Variants in CACNA1B observed in about 807,000 individuals in gnomAD.
The protein encoded by CACNA1B is calcium voltage-gated channel subunit alpha1 B.
CACNA1B carries 70 observed loss-of-function variants against 247.2 expected under a neutral mutation model. That is an observed-to-expected ratio of 0.28 (90% CI 0.23 to 0.35). CACNA1B has a LOEUF of 0.35. CACNA1B is among the 10% of genes least tolerant of loss of function. The pLI is 1.00. For synonymous variants in CACNA1B, 1,231 were observed against 1,294.4 expected, an observed-to-expected ratio of 0.95 and a Z score of 1.05; for missense variants, 2,367 against 3,197.4, an observed-to-expected ratio of 0.74 and a Z score of 6.26.
intron 16 of CACNA1B, among the ~76,000 whole-genome samples, chr9:138,008,261 A>T (rs1034487218): frequency 2.0e-5 from 3 of 152,158 alleles, no homozygotes; most frequent in Admixed American, 6.5e-5. Flanking sequence ...CTGCCTCAAG[A>T]CAGAGCAGTG....
intron 6 of CACNA1B, among the ~76,000 whole-genome samples, chr9:137,934,522 C>G (rs1957642840): frequency 6.6e-6 from 1 of 152,156 alleles, no homozygotes; most frequent in Admixed American, 6.5e-5. Flanking sequence ...AGAAATAAAT[C>G]AGGAAAGCCG....
intron 20 of CACNA1B, among the ~76,000 whole-genome samples, chr9:138,031,102 C>T (rs909805245): frequency 6.6e-6 from 1 of 151,686 alleles, no homozygotes; most frequent in African/African-American, 2.4e-5. Context: ...TTCTTTTGCT[C>T]TTCTTTTCTA....
rs1239095384 is a variant in CACNA1B, at chr9:138,014,787, C to T, written c.2267+1552C>T. 6.6e-6 allele frequency among the ~76,000 whole-genome samples: 1 copy of T among 151,878 alleles called. No homozygotes were observed. The highest frequency in any genetic ancestry group is 2.4e-5 in the African/African-American group (1 of 41,344). ...CCCCTGCTGCCTGCCGGCCCTGCCT[C>T]CTCCTGGGGGTATGGGAGGGTGTCC... On this transcript the variant is annotated intron_variant, in intron 18 of 46. Coordinates refer to ENST00000371372, the MANE Select transcript of CACNA1B (RefSeq NM_000718.4). This position sits in a 1 kb window ranked among gnomAD's most constrained non-coding sequence, Gnocchi z 6.2.
Position 137,976,226 on chromosome 9 carries a change from A to C in CACNA1B, c.1656+207A>C, listed in dbSNP as rs12683137. ...GACTGATGGGAGTGTCAGCCTCAGC[A>C]GCTCTCTGTCGGCGGGAGGTCACCC... On this transcript the variant is annotated intron_variant, in intron 12 of 46. Transcript: ENST00000371372. 0.37 allele frequency among the ~76,000 whole-genome samples: 56,356 copies of C among 152,218 alleles called. 14,692 individuals are homozygous for C. The highest frequency in any genetic ancestry group is 0.73 in the African/African-American group (30,141 of 41,520).
chr9:138,121,607 C>T lies in CACNA1B; in HGVS notation c.6628C>T (p.Pro2210Ser). 6.2e-7 allele frequency: 1 copy of T among 1,613,176 alleles called. No individual in the cohort carries two copies. The highest frequency in any genetic ancestry group is 8.5e-7 in the Non-Finnish European group (1 of 1,179,516). Residue 2210 changes from proline (P) to serine (S), a missense_variant, in exon 47 of 47, where the codon CCC (proline) becomes TCC (serine). Pro to Ser is a moderately conservative substitution (Grantham distance 74). This residue lies in a region of CACNA1B where 773 missense variants were observed against 779.4 expected (regional missense o/e 0.99). Coordinates refer to ENST00000371372, the MANE Select transcript of CACNA1B (RefSeq NM_000718.4). The surrounding 1 kb of genome is among the most constrained non-coding windows in gnomAD (Gnocchi z 6.8). ...CACCTACAAGACGGCCAACTCCTCA[C>T]CCATCCACTTCGCCGGGGCTCAGAC... Reference protein sequence around the residue: ...SITYKTANSSPIHFAGAQTSL... With the variant: ...SITYKTANSSSIHFAGAQTSL...
intron 12 of CACNA1B, among the ~76,000 whole-genome samples, chr9:137,979,636 G>C (rs1247514627): frequency 1.3e-5 from 2 of 152,152 alleles, no homozygotes; most frequent in Non-Finnish European, 1.5e-5. Flanking sequence ...CTGGCTCTCA[G>C]TAACTCATAT....
intron 36 of CACNA1B, among the ~76,000 whole-genome samples, chr9:138,094,618 A>T (rs1393186300): frequency 2.0e-5 from 3 of 152,302 alleles, no homozygotes; most frequent in South Asian, 4.1e-4. Flanking sequence ...ATGAATATTG[A>T]TCCAAAGATC....
intron 44 of CACNA1B, among the ~76,000 whole-genome samples, chr9:138,119,385 C>T (rs1961994972): frequency 6.6e-6 from 1 of 152,218 alleles, no homozygotes; most frequent in African/African-American, 2.4e-5. Flanking sequence ...AACACTGTGC[C>T]CCGGCCTCCG....
intron 6 of CACNA1B, among the ~76,000 whole-genome samples, chr9:137,921,437 T>A (rs1957476852): frequency 6.6e-6 from 1 of 151,498 alleles, no homozygotes; most frequent in South Asian, 2.1e-4. Context: ...CCGCACAGCA[T>A]CCTGGGAGCA....
intron 38 of CACNA1B, among the ~76,000 whole-genome samples, chr9:138,103,076 A>G (rs1961307840): frequency 6.6e-6 from 1 of 151,950 alleles, no homozygotes; most frequent in African/African-American, 2.4e-5. Context: ...CTGGAGGCTC[A>G]GGAAGACAGA....
At chr9:138,092,655 G>A (rs1960917259) in intron 36 of CACNA1B, among the ~76,000 whole-genome samples, 1 of 152,180 alleles carries the variant, frequency 6.6e-6, no homozygotes, top group Admixed American at 6.5e-5. Context: ...AGAGATTAAA[G>A]TAAAGACAGG....
intron 21 of CACNA1B, among the ~76,000 whole-genome samples, chr9:138,045,668 G>A (rs897175729): frequency 2.0e-5 from 3 of 152,310 alleles, no homozygotes; most frequent in Middle Eastern, 3.4e-3. Flanking sequence ...TAGGATCTGA[G>A]CTGGGGGCTA....
chr9:138,021,657 G>C (rs1958846907), intron 18 of CACNA1B, among the ~76,000 whole-genome samples: 1 of 152,126 alleles, frequency 6.6e-6, no homozygotes, highest in Non-Finnish European at 1.5e-5. Flanking sequence ...TTTCCTTTTT[G>C]CCCTTGCCTG....
intron 36 of CACNA1B, among the ~76,000 whole-genome samples, chr9:138,092,366 G>A (rs753272407): frequency 1.1e-4 from 17 of 152,128 alleles, no homozygotes; most frequent in Non-Finnish European, 1.8e-4. Flanking sequence ...CCTTTCCCAG[G>A]GTTATTCCTT....
At position 138,073,620 on chromosome 9, in the gene CACNA1B, G is replaced by A. The variant is rs992483888; in HGVS notation, c.4791+16G>A. ...GTCCTTCAAGGTGGGCCAGGCGGGG[G>A]GCCTCCATGCTTTCTGTCCCCTTCC... On this transcript the variant is annotated intron_variant, in intron 33 of 46. Transcript: ENST00000371372. The surrounding 1 kb of genome is among the most constrained non-coding windows in gnomAD (Gnocchi z 6.4). 12 of 1,402,466 alleles carry A rather than the reference G, an allele frequency of 8.6e-6. No individual in the cohort carries two copies. The highest frequency in any genetic ancestry group is 1.2e-5 in the South Asian group (1 of 86,952). The allele number at this position is 1,402,466 out of a possible 1,614,324, so 86.9% of individuals were successfully genotyped here. A position where few individuals can be genotyped will look rare whatever the true frequency, so the allele number is the denominator to read the frequency against.
intron 6 of CACNA1B, among the ~76,000 whole-genome samples, chr9:137,937,445 A>G (rs1957681019): frequency 6.6e-6 from 1 of 152,206 alleles, no homozygotes; most frequent in Non-Finnish European, 1.5e-5. Context: ...ATTATGTTAA[A>G]CGACCAAACC....
rs563236309 is a variant in CACNA1B, at chr9:138,053,781, C to T, written c.3808-65C>T. 14 of 1,314,444 alleles carry T rather than the reference C, an allele frequency of 1.1e-5. No homozygotes were observed. In the African/African-American group the frequency reaches 1.4e-4, roughly 14 times the overall value. The allele number at this position is 1,314,444 out of a possible 1,614,324, so 81.4% of individuals were successfully genotyped here. ...CCTCCCCGTGACCCTACCCTTCCCCCTCATGGCCCCACTCTCCCACCATGA... is the reference window on the plus strand; with the variant it reads ...CCTCCCCGTGACCCTACCCTTCCCCTTCATGGCCCCACTCTCCCACCATGA... On this transcript the variant is annotated intron_variant, in intron 25 of 46. Transcript: ENST00000371372.
intron 11 of CACNA1B, among the ~76,000 whole-genome samples, chr9:137,972,934 G>A (rs913820308): frequency 2.6e-5 from 4 of 152,152 alleles, no homozygotes; most frequent in East Asian, 3.9e-4. Context: ...GTGGTACCTC[G>A]GGACTTTGCT....
At position 137,914,785 on chromosome 9, in the gene CACNA1B, G is replaced by T. The variant is rs771131603; in HGVS notation, c.754G>T (p.Ala252Ser). 1.2e-6 allele frequency: 2 copies of T among 1,613,948 alleles called. No individual in the cohort carries two copies. The highest frequency in any genetic ancestry group is 1.7e-6 in the Non-Finnish European group (2 of 1,179,884). The change falls in exon 5 of 47, where the codon GCC becomes TCC. Residue 252 changes from alanine to serine, a missense_variant. Coordinates refer to ENST00000371372, the MANE Select transcript of CACNA1B (RefSeq NM_000718.4). This position sits in a 1 kb window ranked among gnomAD's most constrained non-coding sequence, Gnocchi z 4.3. Reference sequence around the variant, plus strand: ...GTTCTACATGGGCAAGTTCCACAAGGCCTGTTTCCCCAACAGCACAGGTGA... The same window carrying T: ...GTTCTACATGGGCAAGTTCCACAAGTCCTGTTTCCCCAACAGCACAGGTGA... The part of the protein sequence containing the change: ...LEFYMGKFHK[A>S]CFPNSTDAEP...
Sources: gnomAD v4.1 joint callset for allele counts (sites outside exome capture counted in the v4.1 genomes callset) on GRCh38, gnomAD v4.1.1 for gene constraint, gnomAD v4.1.1 regional missense constraint, Gnocchi (gnomAD v3.1) non-coding constraint, MANE v1.5 for transcripts, NCBI Gene and HGNC (gene_info 2026-07-23, HGNC 2026-07-21) for gene names.